The following TENT4B variants were observed in gnomAD, a reference collection of about 807,000 sequenced individuals.
The protein encoded by TENT4B is terminal nucleotidyltransferase 4B, also known as PAP associated domain containing 5.
In TENT4B, 10 loss-of-function variants were observed where a neutral mutation model predicts 75.0. That is an observed-to-expected ratio of 0.13 (90% CI 0.08 to 0.23). The LOEUF (loss-of-function observed/expected upper bound fraction) is 0.23. Ranked by LOEUF, TENT4B falls within the 10% of genes least tolerant of loss-of-function variation. The pLI is 1.00. For missense variants in TENT4B, 579 were observed against 893.8 expected, an observed-to-expected ratio of 0.65 and a Z score of 4.49; for synonymous variants, 350 against 357.7, an observed-to-expected ratio of 0.98 and a Z score of 0.24.
intron 1 of TENT4B, among the ~76,000 whole-genome samples, chr16:50,193,214 C>T (rs1393398232): frequency 6.6e-6 from 1 of 151,854 alleles, no homozygotes; most frequent in Non-Finnish European, 1.5e-5. Context: ...CTGTCAGATA[C>T]TTGCATTCTT....
At chr16:50,193,503 A>G (rs2030001042) in intron 1 of TENT4B, among the ~76,000 whole-genome samples, 1 of 151,718 alleles carries the variant, frequency 6.6e-6, no homozygotes, top group Admixed American at 6.6e-5. Flanking sequence ...ACGCCCGGCC[A>G]ATTTTTTTCT....
At chr16:50,222,276 A>G in intron 5 of TENT4B, 30 bp from the exon 6 acceptor site, 1 of 1,550,476 alleles carries the variant, frequency 6.4e-7, no homozygotes, top group Non-Finnish European at 8.7e-7. Flanking sequence ...TGATACAGGA[A>G]TTCATTGAAA....
chr16:50,163,524 C>G (rs148813066), intron 1 of TENT4B, among the ~76,000 whole-genome samples: 1 of 150,924 alleles, frequency 6.6e-6, no homozygotes. Context: ...CTCATCCTCC[C>G]GAGTAGCTGG....
intron 4 of TENT4B, 41 bp from the exon 5 acceptor site, chr16:50,217,515 C>A (rs2031621238): frequency 1.8e-6 from 2 of 1,084,866 alleles, no homozygotes; most frequent in Admixed American, 3.2e-5. Flanking sequence ...ATCATTTAAT[C>A]TGGTTAAAGC....
intron 1 of TENT4B, among the ~76,000 whole-genome samples, chr16:50,174,115 T>C (rs1179934398): frequency 6.6e-6 from 1 of 152,204 alleles, no homozygotes; most frequent in Non-Finnish European, 1.5e-5. Flanking sequence ...TTGCTTTTTT[T>C]GAGACAGAGT....
At chr16:50,165,212 T>G (rs2038077125) in intron 1 of TENT4B, among the ~76,000 whole-genome samples, 1 of 152,078 alleles carries the variant, frequency 6.6e-6, no homozygotes, top group Non-Finnish European at 1.5e-5. Context: ...TTTTGTCTTT[T>G]TTTGGTTATA....
intron 1 of TENT4B, among the ~76,000 whole-genome samples, chr16:50,166,573 G>A (rs184524778): frequency 7.2e-5 from 11 of 151,956 alleles, no homozygotes; most frequent in Non-Finnish European, 1.6e-4. Flanking sequence ...TTTAAAATTG[G>A]GTTATTTATC....
chr16:50,202,131 C>G (rs1346628858), intron 1 of TENT4B, among the ~76,000 whole-genome samples: 1 of 152,142 alleles, frequency 6.6e-6, no homozygotes, highest in Non-Finnish European at 1.5e-5. Context: ...GGAGCTTGTC[C>G]TATTTAATAT....
chr16:50,155,928 A>T (rs2037889844), intron 1 of TENT4B, among the ~76,000 whole-genome samples: 2 of 152,232 alleles, frequency 1.3e-5, no homozygotes. Context: ...CTAGCAAAAG[A>T]TATAAGTCCA....
At chr16:50,188,016 C>T (rs2038567458) in intron 1 of TENT4B, among the ~76,000 whole-genome samples, 1 of 152,162 alleles carries the variant, frequency 6.6e-6, no homozygotes, top group Admixed American at 6.5e-5. Flanking sequence ...CAGTTCCTCT[C>T]ACCTTGGCCT....
intron 1 of TENT4B, among the ~76,000 whole-genome samples, chr16:50,168,792 C>T (rs1031856083): frequency 9.5e-4 from 145 of 151,966 alleles, no homozygotes; most frequent in Non-Finnish European, 4.4e-4. Flanking sequence ...ATTACAGGCA[C>T]GCACCACCAC....
At chr16:50,170,748 C>T (rs759571846) in intron 1 of TENT4B, among the ~76,000 whole-genome samples, 3 of 152,010 alleles carry the variant, frequency 2.0e-5, no homozygotes, top group Non-Finnish European at 4.4e-5. Context: ...TTCACCACAA[C>T]CTCCACCTCC....
Position 50,217,628 on chromosome 16 carries a change from G to A in TENT4B, c.1003G>A (p.Val335Met). 4 of 1,534,984 alleles carry A rather than the reference G, an allele frequency of 2.6e-6. No homozygotes were observed. The highest frequency in any genetic ancestry group is 3.5e-6 in the Non-Finnish European group (4 of 1,143,070). ...TATCAGCTTTAATGTACAGAATGGCGTGAGAGCAGCTGACCTCATCAAAGA... is the reference window on the plus strand; with the variant it reads ...TATCAGCTTTAATGTACAGAATGGCATGAGAGCAGCTGACCTCATCAAAGA... ...VDISFNVQNG[V>M]RAADLIKDFT... The change falls in exon 5 of 12, where the codon GTG becomes ATG. Residue 335 changes from valine (V) to methionine (M), a missense_variant. Transcript: ENST00000561678.
rs930503485 is a variant in TENT4B at position 50,232,432 on chromosome 16, G to A, written c.*3104G>A. 1.0e-6 allele frequency: 1 copy of A among 985,216 alleles called. No individual in the cohort carries two copies. The highest frequency in any genetic ancestry group is 1.7e-5 in the African/African-American group (1 of 57,184). 61.0% of individuals were successfully genotyped at this position (985,216 alleles called of 1,614,324 possible). A position where few individuals can be genotyped will look rare whatever the true frequency, so the allele number is the denominator to read the frequency against. On this transcript the variant is annotated 3_prime_UTR_variant, in exon 12 of 12. Transcript: ENST00000561678. ...TTTGATTTGGCTCCAGATATTCCTAGATCTGCACAGGGCAAAACATGGGCT... is the reference window on the plus strand; with the variant it reads ...TTTGATTTGGCTCCAGATATTCCTAAATCTGCACAGGGCAAAACATGGGCT...
chr16:50,205,013 G>A (rs1400182124), intron 1 of TENT4B, among the ~76,000 whole-genome samples: 1 of 152,102 alleles, frequency 6.6e-6, no homozygotes, highest in African/African-American at 2.4e-5. Context: ...GTGTCTGCAA[G>A]GCTAGATTAT....
chr16:50,233,614 A>T lies in TENT4B; in HGVS notation c.*4286A>T. On this transcript the variant is annotated 3_prime_UTR_variant, in exon 12 of 12. Transcript: ENST00000561678. The stretch of plus-strand genomic sequence containing the variant: ...GGCTGCTGATCTATTTGATACCTAG[A>T]ATTAAATATTTGAGGACAGTTTTTA... 3.1e-6 allele frequency: 3 copies of T among 982,186 alleles called. No individual in the cohort carries two copies. Among genetic ancestry groups the T allele is most frequent in the Non-Finnish European group, 3.6e-6 (3 of 826,978 alleles). 60.8% of individuals were successfully genotyped at this position (982,186 alleles called of 1,614,324 possible).
chr16:50,169,501 A>G (rs939688917), intron 1 of TENT4B, among the ~76,000 whole-genome samples: 4 of 144,184 alleles, frequency 2.8e-5, no homozygotes, highest in South Asian at 2.2e-4. Context: ...ATTAATGATT[A>G]CTGCCTATAT....
At chr16:50,223,962 GATTTTTGTGAGCAAT>G (rs2031936864) in intron 7 of TENT4B, among the ~76,000 whole-genome samples, 1 of 152,144 alleles carries the variant, frequency 6.6e-6, no homozygotes, top group Admixed American at 6.5e-5. Context: ...CTTGTGTCCT[GATTTTTGTGAGCAAT>G]ATTTTTTCTT....
At chr16:50,177,336 T>A (rs1339557841) in intron 1 of TENT4B, among the ~76,000 whole-genome samples, 1 of 152,138 alleles carries the variant, frequency 6.6e-6, no homozygotes, top group African/African-American at 2.4e-5. Flanking sequence ...TTTGGTAGAA[T>A]TCACCAGTGA....
Sources: gnomAD v4.1 joint callset for allele counts (sites outside exome capture counted in the v4.1 genomes callset) on GRCh38, gnomAD v4.1.1 for gene constraint, MANE v1.5 for transcripts, NCBI Gene and HGNC (gene_info 2026-07-23, HGNC 2026-07-21) for gene names.